NMNAT2: variants seen among roughly 807,000 people sequenced by gnomAD.
The protein encoded by NMNAT2 is nicotinamide nucleotide adenylyltransferase 2.
A neutral mutation model predicts 41.6 loss-of-function variants in NMNAT2; 11 were observed. That is an observed-to-expected ratio of 0.26 (90% CI 0.17 to 0.44). The LOEUF is 0.44. Ranked by LOEUF, NMNAT2 falls within the 20% of genes least tolerant of loss-of-function variation. NMNAT2 has a pLI of 1.00. For missense variants in NMNAT2, 288 were observed against 407.7 expected (o/e 0.71, Z 2.53); for synonymous variants, 148 against 151.2 (o/e 0.98, Z 0.16).
chr1:183,415,064 C>T (rs1226137969), intron 1 of NMNAT2, among the ~76,000 whole-genome samples: 1 of 152,164 alleles, frequency 6.6e-6, no homozygotes, highest in Non-Finnish European at 1.5e-5. Context: ...CAACCTCTGC[C>T]TCCCAGGCTT....
chr1:183,405,611 C>T lies in NMNAT2; in HGVS notation c.85+12572G>A, dbSNP rs1181724302. 2.6e-5 allele frequency among the ~76,000 whole-genome samples: 4 copies of T among 152,304 alleles called. No homozygotes were observed. In the South Asian group the frequency reaches 6.2e-4, roughly 24 times the overall value. On this transcript the variant is annotated intron_variant, in intron 1 of 10. Transcript: ENST00000287713. ...CCACCACATGGCCATGAGGGAGGAG[C>T]TAGACAAAACTAAGACTTTAAGACA...
At chr1:183,332,706 A>G (rs996549413) in intron 1 of NMNAT2, among the ~76,000 whole-genome samples, 1 of 152,202 alleles carries the variant, frequency 6.6e-6, no homozygotes, top group African/African-American at 2.4e-5. Context: ...AGCCAAGCCC[A>G]GGAGGGCCAC....
rs201052020 is a variant in NMNAT2 at position 183,248,818 on chromosome 1, C to A, written c.*3823G>T. 3 of 151,602 alleles carry A rather than the reference C, an allele frequency of 2.0e-5. No individual in the cohort carries two copies. Among genetic ancestry groups the A allele is most frequent in the Non-Finnish European group, 4.4e-5 (3 of 67,966 alleles). The allele number at this position is 151,602 out of a possible 1,614,324, so 9.4% of individuals were successfully genotyped here. A position where few individuals can be genotyped will look rare whatever the true frequency, so the allele number is the denominator to read the frequency against. ...AGATCCTGAGCTTTTCATATTCTACCGTTTTATTTTTGCATTACTGTTTGG... is the reference window on the plus strand; with the variant it reads ...AGATCCTGAGCTTTTCATATTCTACAGTTTTATTTTTGCATTACTGTTTGG... On this transcript the variant is annotated 3_prime_UTR_variant, in exon 11 of 11. Transcript: ENST00000287713.
At chr1:183,275,357 C>T (rs926750434) in intron 8 of NMNAT2, among the ~76,000 whole-genome samples, 2 of 152,082 alleles carry the variant, frequency 1.3e-5, no homozygotes, top group African/African-American at 4.8e-5. Flanking sequence ...GTCTCAGACT[C>T]AATGATTCTA....
intron 1 of NMNAT2, among the ~76,000 whole-genome samples, chr1:183,308,892 G>A (rs1662051335): frequency 1.3e-5 from 2 of 152,206 alleles, no homozygotes; most frequent in South Asian, 4.1e-4. Flanking sequence ...TAGCCCCTGA[G>A]GTGGGAGAGC....
At chr1:183,361,205 A>C (rs1302016108) in intron 1 of NMNAT2, among the ~76,000 whole-genome samples, 1 of 152,240 alleles carries the variant, frequency 6.6e-6, no homozygotes, top group African/African-American at 2.4e-5. Context: ...ATTCAAACCC[A>C]GGCATTTGAC....
intron 1 of NMNAT2, among the ~76,000 whole-genome samples, chr1:183,355,016 A>G (rs936634477): frequency 6.6e-6 from 1 of 152,228 alleles, no homozygotes; most frequent in African/African-American, 2.4e-5. Flanking sequence ...GGTTAGACCC[A>G]TGGTCCTTCT....
At chr1:183,407,162 T>C (rs1648979618) in intron 1 of NMNAT2, among the ~76,000 whole-genome samples, 2 of 152,168 alleles carry the variant, frequency 1.3e-5, no homozygotes, top group South Asian at 4.1e-4. Context: ...GAAAAATAAT[T>C]CCTACATGTC....
In NMNAT2 at chr1:183,278,639, G is replaced by A. The variant is rs2102297048; in HGVS notation, c.575-10C>T. On this transcript the variant is annotated splice_polypyrimidine_tract_variant and intron_variant, in intron 7 of 10. Coordinates refer to ENST00000287713, the MANE Select transcript of NMNAT2 (RefSeq NM_015039.4). Reference sequence around the variant, plus strand: ...AGCAGGATCCGTAGCTCTGAGGAAGGGGAGCAAAGTTTGCAAAGGGAGTAA... The same window carrying A: ...AGCAGGATCCGTAGCTCTGAGGAAGAGGAGCAAAGTTTGCAAAGGGAGTAA... 3.1e-6 allele frequency: 5 copies of A among 1,610,114 alleles called. No individual in the cohort carries two copies. Among genetic ancestry groups the A allele is most frequent in the East Asian group, 4.5e-5 (2 of 44,858 alleles).
chr1:183,375,264 C>G lies in NMNAT2; in HGVS notation c.85+42919G>C, dbSNP rs1157466533. 2.0e-5 allele frequency among the ~76,000 whole-genome samples: 3 copies of G among 152,174 alleles called. No homozygotes were observed. In the East Asian group the frequency reaches 5.8e-4, roughly 29 times the overall value. The stretch of plus-strand genomic sequence containing the variant: ...AATAACAACCCATGGCCAGTGCTTC[C>G]CTTTATTTATCCAATCATTTGACAA... On this transcript the variant is annotated intron_variant, in intron 1 of 10. Coordinates refer to ENST00000287713, the MANE Select transcript of NMNAT2 (RefSeq NM_015039.4).
chr1:183,390,422 A>T (rs1213040649), intron 1 of NMNAT2, among the ~76,000 whole-genome samples: 1 of 152,172 alleles, frequency 6.6e-6, no homozygotes, highest in Non-Finnish European at 1.5e-5. Flanking sequence ...CTTCATCAGC[A>T]CTTTGTTTAA....
At position 183,260,244 on chromosome 1, in the gene NMNAT2, T is replaced by G. The variant is rs114256402; in HGVS notation, c.821+758A>C. Among the ~76,000 whole-genome samples, 1,080 of 152,344 alleles carry G rather than the reference T, an allele frequency of 7.1e-3. 10 individuals carry two copies. Among genetic ancestry groups the G allele is most frequent in the African/African-American group, 0.025 (1,038 of 41,574 alleles). On this transcript the variant is annotated intron_variant, in intron 10 of 10. Transcript: ENST00000287713. ...TGGGCTTCACTTTGCCTTTTTCCAC[T>G]GGCTGAGAAGAGCCACTGTTGCAGC...
intron 7 of NMNAT2, among the ~76,000 whole-genome samples, chr1:183,279,472 ATCTTGTCTGAAACAG>A (rs936986034): frequency 8.5e-5 from 13 of 152,192 alleles, no homozygotes; most frequent in African/African-American, 3.1e-4. Flanking sequence ...GCTGTTGGGC[ATCTTGTCTGAAACAG>A]TGAGGCAGGT....
At chr1:183,304,086 T>G (rs982440124) in intron 1 of NMNAT2, among the ~76,000 whole-genome samples, 1 of 152,268 alleles carries the variant, frequency 6.6e-6, no homozygotes, top group African/African-American at 2.4e-5. Context: ...CTGTGACTCA[T>G]GATGGCAGCT....
intron 1 of NMNAT2, among the ~76,000 whole-genome samples, chr1:183,296,395 A>C (rs1415300739): frequency 6.6e-6 from 1 of 152,210 alleles, no homozygotes; most frequent in Non-Finnish European, 1.5e-5. Flanking sequence ...TGTCTTCCAA[A>C]GTGGTTGTGC....
At chr1:183,264,586 T>C (rs990650449) in intron 8 of NMNAT2, among the ~76,000 whole-genome samples, 1 of 152,216 alleles carries the variant, frequency 6.6e-6, no homozygotes, top group Non-Finnish European at 1.5e-5. Flanking sequence ...TGGAGAATTA[T>C]GGGAGAAAAT....
At chr1:183,268,492 T>C (rs982241704) in intron 8 of NMNAT2, among the ~76,000 whole-genome samples, 7 of 152,348 alleles carry the variant, frequency 4.6e-5, no homozygotes, top group Middle Eastern at 3.4e-3. Context: ...GCTAATATCT[T>C]ACAGTGACTA....
intron 1 of NMNAT2, among the ~76,000 whole-genome samples, chr1:183,375,274 T>A (rs892230191): frequency 6.6e-6 from 1 of 152,212 alleles, no homozygotes. Context: ...CCTTTATTTA[T>A]CCAATCATTT....
chr1:183,386,953 C>CTA (rs1265513375), intron 1 of NMNAT2, among the ~76,000 whole-genome samples: 1 of 151,948 alleles, frequency 6.6e-6, no homozygotes, highest in Non-Finnish European at 1.5e-5. Context: ...CTCTGGAAAA[C>CTA]TATTAAAAAA....
Sources: gnomAD v4.1 joint callset for allele counts (sites outside exome capture counted in the v4.1 genomes callset) on GRCh38, gnomAD v4.1.1 for gene constraint, MANE v1.5 for transcripts, NCBI Gene and HGNC (gene_info 2026-07-23, HGNC 2026-07-21) for gene names.